The following AMPH variants were observed in gnomAD, a reference collection of about 807,000 sequenced individuals.
The protein encoded by AMPH is amphiphysin (Stiff-Mann syndrome with breast cancer 128kD autoantigen).
A neutral mutation model predicts 99.1 loss-of-function variants in AMPH; 49 were observed. The ratio of observed to expected loss-of-function variants is 0.49; its 90% CI spans 0.39 to 0.63. AMPH has a LOEUF of 0.63. Among genes scored for constraint, AMPH ranks in the 20% least tolerant of loss-of-function variants. The pLI, the probability that AMPH is intolerant of heterozygous loss-of-function variation, is 0.00. For synonymous variants in AMPH, 314 were observed against 317.3 expected, an observed-to-expected ratio of 0.99 and a Z score of 0.11; for missense variants, 759 against 863.4, an observed-to-expected ratio of 0.88 and a Z score of 1.52.
chr7:38,429,611 A>AG (rs775111462), intron 14 of AMPH: 1 of 1,446,626 alleles, frequency 6.9e-7, no homozygotes, highest in African/African-American at 1.4e-5. Flanking sequence ...AGGAAAAAAA[A>AG]CAAAAACAAA....
At chr7:38,386,697 C>T (rs73348816) in intron 20 of AMPH, among the ~76,000 whole-genome samples, 7,538 of 152,050 alleles carry the variant, frequency 0.05, 586 homozygotes, top group African/African-American at 0.17. Context: ...TATAAACAAA[C>T]AACTCTTGGT....
At chr7:38,470,640 A>G (rs1194151612) in intron 7 of AMPH, among the ~76,000 whole-genome samples, 1 of 152,052 alleles carries the variant, frequency 6.6e-6, no homozygotes, top group Non-Finnish European at 1.5e-5. Flanking sequence ...TCATCTTGCC[A>G]TTTGATCTAT....
intron 2 of AMPH, among the ~76,000 whole-genome samples, chr7:38,514,796 T>C (rs1789675287): frequency 6.6e-6 from 1 of 152,214 alleles, no homozygotes; most frequent in African/African-American, 2.4e-5. Flanking sequence ...ATAAATTACC[T>C]GGTCAGTGGT....
chr7:38,613,671 A>T (rs1340148428), intron 1 of AMPH, among the ~76,000 whole-genome samples: 1 of 152,316 alleles, frequency 6.6e-6, no homozygotes, highest in East Asian at 1.9e-4. Flanking sequence ...AATTTTTACA[A>T]GTGAAAGTAT....
At chr7:38,627,080 C>A (rs188137038) in intron 1 of AMPH, among the ~76,000 whole-genome samples, 1 of 152,190 alleles carries the variant, frequency 6.6e-6, no homozygotes, top group Admixed American at 6.5e-5. Context: ...GAGTCCATAT[C>A]GTTCAGGGGA....
chr7:38,561,924 GAA>G (rs112793515), intron 1 of AMPH, among the ~76,000 whole-genome samples: 1 of 138,896 alleles, frequency 7.2e-6, no homozygotes. Context: ...GGACTTGTAA[GAA>G]AAAAAAAAAA....
chr7:38,492,494 T>A (rs1788759475), intron 4 of AMPH, among the ~76,000 whole-genome samples: 1 of 152,196 alleles, frequency 6.6e-6, no homozygotes, highest in African/African-American at 2.4e-5. Context: ...ACACACACTT[T>A]TAAAATTTGC....
At chr7:38,600,743 C>T (rs1277449140) in intron 1 of AMPH, among the ~76,000 whole-genome samples, 1 of 152,180 alleles carries the variant, frequency 6.6e-6, no homozygotes, top group Admixed American at 6.5e-5. Flanking sequence ...TCTTTCAGTG[C>T]CCTTTTAAAT....
intron 1 of AMPH, among the ~76,000 whole-genome samples, chr7:38,607,163 T>C (rs1793463033): frequency 6.6e-6 from 1 of 152,202 alleles, no homozygotes; most frequent in South Asian, 2.1e-4. Flanking sequence ...AAAAGCATTC[T>C]TTAATGGAGA....
intron 4 of AMPH, among the ~76,000 whole-genome samples, chr7:38,493,082 G>C (rs887884905): frequency 6.6e-6 from 1 of 152,152 alleles, no homozygotes; most frequent in East Asian, 1.9e-4. Flanking sequence ...ATAAATCTCT[G>C]TTAGCATCTC....
intron 15 of AMPH, among the ~76,000 whole-genome samples, chr7:38,425,275 T>TA (rs1785742621): frequency 1.3e-5 from 2 of 152,084 alleles, no homozygotes; most frequent in Admixed American, 1.3e-4. Flanking sequence ...GTCACAGTCA[T>TA]AGAGTACCCA....
At chr7:38,582,291 A>C (rs1249117451) in intron 1 of AMPH, among the ~76,000 whole-genome samples, 2 of 152,202 alleles carry the variant, frequency 1.3e-5, no homozygotes, top group African/African-American at 4.8e-5. Flanking sequence ...CACTTAATTA[A>C]ACAAGGTGGA....
At chr7:38,596,476 G>A (rs1235682986) in intron 1 of AMPH, among the ~76,000 whole-genome samples, 2 of 152,112 alleles carry the variant, frequency 1.3e-5, no homozygotes, top group South Asian at 4.1e-4. Flanking sequence ...CTGAGAGGTG[G>A]GAGGACATGA....
At chr7:38,629,350 C>T (rs1463728907) in intron 1 of AMPH, among the ~76,000 whole-genome samples, 1 of 152,160 alleles carries the variant, frequency 6.6e-6, no homozygotes, top group Non-Finnish European at 1.5e-5. Flanking sequence ...CTAGGTGCGG[C>T]AGGCACTTTT....
chr7:38,482,281 G>A (rs1020554940), intron 5 of AMPH, among the ~76,000 whole-genome samples: 1 of 151,992 alleles, frequency 6.6e-6, no homozygotes, highest in Non-Finnish European at 1.5e-5. Flanking sequence ...AAACCTTAAC[G>A]TATATTTACC....
chr7:38,439,123 T>A (rs1256909506), intron 11 of AMPH, among the ~76,000 whole-genome samples: 1 of 152,214 alleles, frequency 6.6e-6, no homozygotes, highest in Admixed American at 6.5e-5. Flanking sequence ...CTGCCACCAT[T>A]TAAGATGTGC....
At chr7:38,533,436 T>TTA (rs1306591919) in intron 2 of AMPH, among the ~76,000 whole-genome samples, 2 of 152,160 alleles carry the variant, frequency 1.3e-5, no homozygotes, top group Non-Finnish European at 2.9e-5. Context: ...ATGCCAACAC[T>TTA]TAGTCTTGGG....
At chr7:38,621,166 T>A (rs1336888228) in intron 1 of AMPH, among the ~76,000 whole-genome samples, 1 of 152,246 alleles carries the variant, frequency 6.6e-6, no homozygotes, top group Non-Finnish European at 1.5e-5. Context: ...ATTCTTAGGA[T>A]CTTAGCTTGA....
rs186188806 is a variant in AMPH, at chr7:38,430,029, C to T, written c.1159-164G>A. 115 of 620,136 alleles carry T rather than the reference C, an allele frequency of 1.9e-4. No homozygotes were observed. In the East Asian group the frequency reaches 3.5e-3, roughly 19 times the overall value. The allele number at this position is 620,136 out of a possible 1,614,324, so 38.4% of individuals were successfully genotyped here. A position where few individuals can be genotyped will look rare whatever the true frequency, so the allele number is the denominator to read the frequency against. ...TTTGTGATAGGAATGATTTTTGTTC[C>T]AAAATTGTTTAAGACCACCATAGAA... is the stretch of plus-strand genomic sequence containing the variant. On this transcript the variant is annotated intron_variant, in intron 13 of 20. Transcript: ENST00000356264.
Sources: gnomAD v4.1 joint callset for allele counts (sites outside exome capture counted in the v4.1 genomes callset) on GRCh38, gnomAD v4.1.1 for gene constraint, MANE v1.5 for transcripts, NCBI Gene and HGNC (gene_info 2026-07-23, HGNC 2026-07-21) for gene names.